The following AHNAK variants were observed in gnomAD, a reference collection of about 807,000 sequenced individuals.
AHNAK encodes the protein AHNAK nucleoprotein.
In AHNAK, 23 loss-of-function variants were observed where a neutral mutation model predicts 37.8. The observed-to-expected ratio is 0.61, with a 90% CI of 0.44 to 0.86. The LOEUF is 0.86. Ranked by LOEUF, AHNAK falls within the 40% of genes least tolerant of loss-of-function variation. AHNAK has a pLI of 0.00. For missense variants in AHNAK, 7,411 were observed against 7,319.4 expected, an observed-to-expected ratio of 1.01 and a Z score of -0.46; for synonymous variants, 2,481 against 2,636.3, an observed-to-expected ratio of 0.94 and a Z score of 1.80.
At chr11:62,479,443 G>C (rs537110297) in intron 5 of AHNAK, among the ~76,000 whole-genome samples, 1 of 144,828 alleles carries the variant, frequency 6.9e-6, no homozygotes, top group Non-Finnish European at 1.5e-5. Context: ...CTGGGATTAC[G>C]GGCGTGAGCT....
In AHNAK at chr11:62,518,814, T is replaced by C; in HGVS notation, c.15603A>G (p.Val5201=). 1 of 1,614,250 alleles carries C rather than the reference T, an allele frequency of 6.2e-7. No individual in the cohort carries two copies. The change falls in exon 5 of 5, where the codon GTA becomes GTG. Residue 5201 remains valine (V), a synonymous_variant. Transcript: ENST00000378024. ...CCTTTATCTTTGGTCCTTTCAAGTT[T>C]ACATTCACATCAGGGATGGAGACTT... ...APQVSIPDVN[V]NLKGPKIKGD...
intron 5 of AHNAK, among the ~76,000 whole-genome samples, chr11:62,462,578 C>T (rs746320450): frequency 2.6e-5 from 4 of 152,184 alleles, no homozygotes; most frequent in Non-Finnish European, 5.9e-5. Flanking sequence ...TTTGAAGGGG[C>T]ACCTGGTTGA....
At chr11:62,442,132 T>C (rs1938318977) in intron 5 of AHNAK, among the ~76,000 whole-genome samples, 2 of 152,346 alleles carry the variant, frequency 1.3e-5, no homozygotes, top group Admixed American at 6.5e-5. Flanking sequence ...AGGGACAGAA[T>C]GAGTAGTTTT....
chr11:62,532,110 C>T lies in AHNAK; in HGVS notation c.2307G>A (p.Val769=), dbSNP rs929885209. Residue 769 remains valine (V), a synonymous_variant, in exon 5 of 5, where the codon GTG becomes GTA. Coordinates refer to ENST00000378024, the MANE Select transcript of AHNAK (RefSeq NM_001620.3). ...VPGFKAEGPE[V]DVNLPKADVD... The stretch of plus-strand genomic sequence containing the variant: ...CATCAGCCTTGGGCAGGTTCACATC[C>T]ACTTCTGGGCCCTCTGCTTTGAACC... 6.2e-7 allele frequency: 1 copy of T among 1,613,710 alleles called. No individual in the cohort carries two copies. The highest frequency in any genetic ancestry group is 8.5e-7 in the Non-Finnish European group (1 of 1,179,926).
chr11:62,531,292 C>G lies in AHNAK; in HGVS notation c.3125G>C (p.Ser1042Thr), dbSNP rs1320878937. The change falls in exon 5 of 5, where the codon AGC becomes ACC. Residue 1042 changes from serine to threonine, a missense_variant. Ser to Thr is a moderately conservative substitution (Grantham distance 58, BLOSUM62 1). Coordinates refer to ENST00000378024, the MANE Select transcript of AHNAK (RefSeq NM_001620.3). ...CAACTTCCCTTCAGGTCCTTCAAGG[C>G]TCAGATCTGGAGCATTAGTATCTAC... is the stretch of plus-strand genomic sequence containing the variant. Reference protein sequence around the residue: ...PKVDTNAPDLSLEGPEGKLKG... With the variant: ...PKVDTNAPDLTLEGPEGKLKG... The G allele has an allele frequency of 1.2e-6, 2 of 1,613,574 alleles. No individual in the cohort carries two copies. The highest frequency in any genetic ancestry group is 1.7e-6 in the Non-Finnish European group (2 of 1,179,794).
In AHNAK at chr11:62,491,719, T is replaced by A. The variant is rs551499508; in HGVS notation, c.442+13A>T. 5.6e-6 allele frequency: 9 copies of A among 1,600,480 alleles called. No individual in the cohort carries two copies. In the African/African-American group the frequency reaches 1.1e-4, roughly 19 times the overall value. ...AAGGTCATCCGTCTTTCAGTCCCCATCACTTCTCTCACCTGCATTTGGGGT... is the reference window on the plus strand; with the variant it reads ...AAGGTCATCCGTCTTTCAGTCCCCAACACTTCTCTCACCTGCATTTGGGGT... On this transcript the variant is annotated intron_variant, in intron 5 of 5. Coordinates refer to the AHNAK transcript ENST00000257247.
chr11:62,498,051 A>G (rs1381365703), intron 4 of AHNAK, among the ~76,000 whole-genome samples: 1 of 152,230 alleles, frequency 6.6e-6, no homozygotes, highest in African/African-American at 2.4e-5. Flanking sequence ...ATGCTGCACA[A>G]TATTTCACAA....
At position 62,459,564 on chromosome 11, in the gene AHNAK, C is replaced by A. The variant is rs1160772744; in HGVS notation, c.443-25673G>T. Among the ~76,000 whole-genome samples the A allele has an allele frequency of 2.0e-5, 3 of 152,154 alleles. No individual in the cohort carries two copies. The South Asian group carries it at 6.2e-4, about 32-fold the overall frequency. On this transcript the variant is annotated intron_variant, in intron 5 of 5. Transcript: ENST00000257247. ...CAGCCAGCCAGCCCAGAGATGAATG[C>A]CCCTCTCCTGACCTCCACACCTCCA...
At chr11:62,444,134 C>T (rs1346745104) in intron 5 of AHNAK, among the ~76,000 whole-genome samples, 2 of 152,242 alleles carry the variant, frequency 1.3e-5, no homozygotes, top group Non-Finnish European at 2.9e-5. Context: ...CCCCTCCACC[C>T]ACCCGGCCTC....
chr11:62,545,803 G>C (rs1023462513), intron 1 of AHNAK: 3 of 152,426 alleles, frequency 2.0e-5, no homozygotes, highest in African/African-American at 7.2e-5. Flanking sequence ...CATTCCTCAG[G>C]CTGCTGGCGC....
Position 62,530,160 on chromosome 11 carries a change from A to G in AHNAK, c.4257T>C (p.Asp1419=). The change falls in exon 5 of 5, where the codon GAT becomes GAC. Residue 1419 remains aspartate, a synonymous_variant. Transcript: ENST00000378024. The part of the protein sequence containing the change: ...ADVDVSGPKM[D]AEVPDVNIEG... The stretch of plus-strand genomic sequence containing the variant: ...CAATATTCACATCTGGAACTTCAGC[A>G]TCCATTTTGGGTCCTGAGACATCAA... 6.2e-7 allele frequency: 1 copy of G among 1,613,034 alleles called. No individual in the cohort carries two copies. Among genetic ancestry groups the G allele is most frequent in the Non-Finnish European group, 8.5e-7 (1 of 1,179,798 alleles).
intron 5 of AHNAK, among the ~76,000 whole-genome samples, chr11:62,456,796 C>A (rs562010918): frequency 1.3e-5 from 2 of 152,180 alleles, no homozygotes; most frequent in Non-Finnish European, 2.9e-5. Context: ...CCACCGCCTA[C>A]GGCTGAGTCT....
intron 2 of AHNAK, 78 bp from the exon 3 acceptor site, chr11:62,536,176 T>C (rs1429596818): frequency 6.9e-7 from 1 of 1,444,942 alleles, no homozygotes; most frequent in Admixed American, 2.4e-5. Flanking sequence ...TAGCAATCTC[T>C]GGCGCTGTGA....
At chr11:62,503,649 T>C (rs550268179) in intron 4 of AHNAK, among the ~76,000 whole-genome samples, 1 of 152,086 alleles carries the variant, frequency 6.6e-6, no homozygotes, top group African/African-American at 2.4e-5. Flanking sequence ...CCTTTTTACC[T>C]GGGTTGCCGG....
rs576567514 is a variant in AHNAK, at chr11:62,528,903, C to T, written c.5514G>A (p.Leu1838=). 1 of 1,614,092 alleles carries T rather than the reference C, an allele frequency of 6.2e-7. No individual in the cohort carries two copies. Among genetic ancestry groups the T allele is most frequent in the East Asian group, 2.2e-5 (1 of 44,868 alleles). ...CAGGCATCTTAAACTTGGGCCCTTT[C>T]AACTTTGCATCAGGACACTCCAGAT... ...DVDLECPDAK[L]KGPKFKMPEM... is the part of the protein sequence containing the mutation. Residue 1838 remains leucine (L), a synonymous_variant, in exon 5 of 5, where the codon TTG becomes TTA. Transcript: ENST00000378024.
At chr11:62,474,072 A>T (rs1185665982) in intron 5 of AHNAK, among the ~76,000 whole-genome samples, 5 of 152,118 alleles carry the variant, frequency 3.3e-5, no homozygotes, top group African/African-American at 4.8e-5. Flanking sequence ...CATTGTATAC[A>T]TATATCAAAT....
At chr11:62,472,977 C>T (rs1490404142) in intron 5 of AHNAK, among the ~76,000 whole-genome samples, 1 of 148,178 alleles carries the variant, frequency 6.7e-6, no homozygotes, top group Non-Finnish European at 1.5e-5. Flanking sequence ...CCCAGCTACT[C>T]GGGAGGCTGA....
At position 62,516,284 on chromosome 11, in the gene AHNAK, A is replaced by T; in HGVS notation, c.*460T>A. ...GGGCGTTTGCTGTTTGAACAGATCC[A>T]GTCTCAGGAAAGAGGAAGACCTGAC... On this transcript the variant is annotated 3_prime_UTR_variant, in exon 5 of 5. Transcript: ENST00000378024. The T allele has an allele frequency of 1.6e-6, 2 of 1,289,344 alleles. No individual in the cohort carries two copies. The highest frequency in any genetic ancestry group is 2.0e-6 in the Non-Finnish European group (2 of 988,802). The allele number at this position is 1,289,344 out of a possible 1,614,324, so 79.9% of individuals were successfully genotyped here.
intron 5 of AHNAK, among the ~76,000 whole-genome samples, chr11:62,475,176 G>C (rs1939117716): frequency 6.6e-6 from 1 of 152,142 alleles, no homozygotes; most frequent in South Asian, 2.1e-4. Flanking sequence ...AGTGGCAGGT[G>C]CCTGTAGTCC....
Sources: allele counts gnomAD v4.1 joint callset (sites outside exome capture counted in the v4.1 genomes callset), GRCh38; gene constraint gnomAD v4.1.1; transcripts MANE v1.5; gene names NCBI Gene and HGNC (gene_info 2026-07-23, HGNC 2026-07-21).